DDX60: variants seen among roughly 807,000 people sequenced by gnomAD.
DDX60 encodes the protein probable ATP-dependent RNA helicase DDX60.
Under a neutral mutation model 212.8 loss-of-function variants are expected in DDX60, and 165 were observed. That is an observed-to-expected ratio of 0.78 (90% CI 0.68 to 0.88). The LOEUF (loss-of-function observed/expected upper bound fraction) is 0.88, where lower values mean the gene tolerates loss of function less well. Among genes scored for constraint, DDX60 ranks in the 40% least tolerant of loss-of-function variants. The pLI, the probability that DDX60 is intolerant of heterozygous loss-of-function variation, is 0.00. For missense variants in DDX60, 1,905 were observed against 2,003.9 expected (o/e 0.95, Z 0.94); for synonymous variants, 703 against 685.3 (o/e 1.03, Z -0.40).
At chr4:168,309,024 A>C (rs2149552222) in intron 3 of DDX60, among the ~76,000 whole-genome samples, 1 of 152,284 alleles carries the variant, frequency 6.6e-6, no homozygotes, top group East Asian at 1.9e-4. Flanking sequence ...TTCAGAGTTG[A>C]GAGAAGTGTA....
At chr4:168,275,592 A>C (rs1320768011) in intron 15 of DDX60, 89 bp from the exon 16 acceptor site, 8 of 1,142,214 alleles carry the variant, frequency 7.0e-6, no homozygotes, top group Non-Finnish European at 1.2e-6. Context: ...AGCACTTTCT[A>C]TGTGAAAAGC....
chr4:168,302,440 A>G, intron 5 of DDX60, 24 bp from the exon 6 acceptor site: 1 of 1,111,376 alleles, frequency 9.0e-7, no homozygotes, highest in Non-Finnish European at 1.2e-6. Context: ...AAAAATCAGA[A>G]AAGTTGTTAT....
intron 10 of DDX60, among the ~76,000 whole-genome samples, chr4:168,286,755 C>T (rs897260506): frequency 6.6e-6 from 1 of 151,944 alleles, no homozygotes; most frequent in Non-Finnish European, 1.5e-5. Context: ...GTGCTTTACA[C>T]AAAGAGATTT....
At chr4:168,296,190 T>C (rs935633742) in intron 6 of DDX60, among the ~76,000 whole-genome samples, 1 of 152,282 alleles carries the variant, frequency 6.6e-6, no homozygotes. Context: ...GATGGATATG[T>C]TAATTAGCTC....
upstream of DDX60, among the ~76,000 whole-genome samples, chr4:168,319,628 A>T (rs1737552231): frequency 6.6e-6 from 1 of 152,178 alleles, no homozygotes; most frequent in South Asian, 2.1e-4. Flanking sequence ...TTGCCTGTTG[A>T]TACTTGCAGT....
In DDX60 at chr4:168,229,007, T is replaced by C. The variant is rs538481694; in HGVS notation, c.4534-3331A>G. On this transcript the variant is annotated intron_variant, in intron 33 of 37. Coordinates refer to ENST00000393743, the MANE Select transcript of DDX60 (RefSeq NM_017631.6). ...CCAAAATAAAAATAAAAATAAAAAA[T>C]GGCAGACAAGAGGCAGAACTAACTT... 3.5e-3 allele frequency among the ~76,000 whole-genome samples: 528 copies of C among 152,172 alleles called. 4 individuals are homozygous for C. Among genetic ancestry groups the C allele is most frequent in the Non-Finnish European group, 6.4e-3 (438 of 67,970 alleles).
intron 7 of DDX60, among the ~76,000 whole-genome samples, chr4:168,292,369 A>C (rs1215331219): frequency 6.6e-6 from 1 of 151,954 alleles, no homozygotes; most frequent in Non-Finnish European, 1.5e-5. Flanking sequence ...TTCATTCTAC[A>C]TTTTTTAAGA....
chr4:168,309,094 T>C (rs1737019289), intron 3 of DDX60, among the ~76,000 whole-genome samples: 2 of 152,322 alleles, frequency 1.3e-5, no homozygotes, highest in South Asian at 4.1e-4. Flanking sequence ...TAGTACATAC[T>C]GTACTACTGT....
intron 22 of DDX60, among the ~76,000 whole-genome samples, chr4:168,266,426 G>T (rs9992149): frequency 0.028 from 4,223 of 152,268 alleles, 212 homozygotes; most frequent in African/African-American, 0.096. Context: ...CTATATGCAT[G>T]TAAACAACTT....
intron 13 of DDX60, among the ~76,000 whole-genome samples, chr4:168,283,038 T>C (rs1384377132): frequency 6.6e-6 from 1 of 152,120 alleles, no homozygotes; most frequent in Non-Finnish European, 1.5e-5. Context: ...TAATCAATCA[T>C]TTAAATACTT....
At chr4:168,302,579 C>T (rs1736692607) in intron 5 of DDX60, among the ~76,000 whole-genome samples, 163 bp from the exon 6 acceptor site, 1 of 152,150 alleles carries the variant, frequency 6.6e-6, no homozygotes, top group East Asian at 1.9e-4. Flanking sequence ...TTGAACATCA[C>T]TATTTTGTCT....
chr4:168,269,325 A>G lies in DDX60; in HGVS notation c.2671-356T>C, dbSNP rs953373570. On this transcript the variant is annotated intron_variant, in intron 19 of 37. Transcript: ENST00000393743. ...GCCAAAATAAAAATGTTGGCCGGGC[A>G]CGGTGGCTCACGCCTGTAATCCCAG... Among the ~76,000 whole-genome samples the G allele has an allele frequency of 3.9e-5, 6 of 152,194 alleles. No homozygotes were observed. In the East Asian group the frequency reaches 7.7e-4, roughly 20 times the overall value.
At chr4:168,295,716 T>C (rs1736313047) in intron 6 of DDX60, among the ~76,000 whole-genome samples, 1 of 152,218 alleles carries the variant, frequency 6.6e-6, no homozygotes, top group African/African-American at 2.4e-5. Flanking sequence ...CCCATGTTCA[T>C]TGACACATTG....
At chr4:168,259,497 T>C (rs996626959) in intron 25 of DDX60, among the ~76,000 whole-genome samples, 8 of 152,126 alleles carry the variant, frequency 5.3e-5, no homozygotes, top group African/African-American at 1.9e-4. Context: ...ATCATCGTTA[T>C]TTCAGAAATA....
intron 6 of DDX60, among the ~76,000 whole-genome samples, chr4:168,294,587 G>A (rs1736258711): frequency 1.3e-5 from 2 of 151,958 alleles, no homozygotes; most frequent in Admixed American, 1.3e-4. Context: ...TGCAATCTCT[G>A]CCTCCCAGGC....
chr4:168,310,461 C>A (rs1737080327), intron 3 of DDX60, among the ~76,000 whole-genome samples: 1 of 152,114 alleles, frequency 6.6e-6, no homozygotes, highest in Non-Finnish European at 1.5e-5. Flanking sequence ...ACCAGAGAAA[C>A]AAGAGGGCAG....
intron 9 of DDX60, 144 bp from the exon 10 acceptor site, chr4:168,287,347 A>C (rs1735905019): frequency 4.3e-6 from 3 of 691,274 alleles, no homozygotes; most frequent in Non-Finnish European, 7.3e-6. Flanking sequence ...CTGGACATAA[A>C]TGAAAATGGT....
intron 6 of DDX60, among the ~76,000 whole-genome samples, chr4:168,295,442 G>A (rs1019208637): frequency 1.3e-5 from 2 of 152,150 alleles, no homozygotes; most frequent in Admixed American, 6.5e-5. Flanking sequence ...ACTGCTGAGC[G>A]TTCAAACTGT....
intron 31 of DDX60, 123 bp from the exon 32 acceptor site, chr4:168,237,550 C>T (rs41278577): frequency 0.045 from 52,719 of 1,169,404 alleles, 1,421 homozygotes; most frequent in Non-Finnish European, 0.053. Flanking sequence ...TATTACTGGG[C>T]CCAACTTTTA....
Sources: allele counts gnomAD v4.1 joint callset (sites outside exome capture counted in the v4.1 genomes callset), GRCh38; gene constraint gnomAD v4.1.1; transcripts MANE v1.5; gene names NCBI Gene and HGNC (gene_info 2026-07-23, HGNC 2026-07-21).